The following MBTPS1 variants were observed in gnomAD, a reference collection of about 807,000 sequenced individuals.
MBTPS1 encodes membrane-bound transcription factor site-1 protease.
A neutral mutation model predicts 127.8 loss-of-function variants in MBTPS1; 94 were observed. That is an observed-to-expected ratio of 0.74 (90% CI 0.62 to 0.87). The LOEUF is 0.87. MBTPS1 is among the 40% of genes least tolerant of loss of function. The pLI, the probability that MBTPS1 is intolerant of heterozygous loss-of-function variation, is 0.00. For synonymous variants in MBTPS1, 632 were observed against 509.4 expected, an observed-to-expected ratio of 1.24 and a Z score of -3.24; for missense variants, 1,636 against 1,353.2, an observed-to-expected ratio of 1.21 and a Z score of -3.28.
In MBTPS1 at chr16:84,067,783, AG is replaced by A; in HGVS notation, c.2111del (p.Pro704LeufsTer29). On this transcript the variant is annotated frameshift_variant, in exon 16 of 23. Coordinates refer to ENST00000343411, the MANE Select transcript of MBTPS1 (RefSeq NM_003791.4). LOFTEE classifies it high-confidence loss of function. Reference sequence around the variant, plus strand: ...CCCTCCGGAGCTTGGCGATCTCTTCAGGGAAGTACTCCTCCTCACTGTCCAC... The same window carrying A: ...CCCTCCGGAGCTTGGCGATCTCTTCAGGAAGTACTCCTCCTCACTGTCCAC... ...LMVDSEEEYF[P>X]EEIAKLRRDV... 6.2e-7 allele frequency: 1 copy of A among 1,613,946 alleles called. No individual in the cohort carries two copies. The highest frequency in any genetic ancestry group is 8.5e-7 in the Non-Finnish European group (1 of 1,179,808).
chr16:84,080,022 G>C (rs1041707416), intron 11 of MBTPS1, among the ~76,000 whole-genome samples: 1 of 152,258 alleles, frequency 6.6e-6, no homozygotes, highest in Non-Finnish European at 1.5e-5. Context: ...GCACAGAGGT[G>C]CATGACAGGA....
intron 1 of MBTPS1, among the ~76,000 whole-genome samples, chr16:84,106,122 C>T (rs2086320324): frequency 6.6e-6 from 1 of 151,998 alleles, no homozygotes; most frequent in Admixed American, 6.6e-5. Context: ...TGGTGAAACC[C>T]CACCTCTACT....
rs149109382 is a variant in MBTPS1, at chr16:84,068,750, C to T, written c.1956-296G>A. On this transcript the variant is annotated intron_variant, in intron 14 of 22. Transcript: ENST00000343411. The stretch of plus-strand genomic sequence containing the variant: ...TGTCCTGGACCATCACTGTAGCAGT[C>T]GCGTTCAAGTAAATTGCTGGCAACC... Among the ~76,000 whole-genome samples the T allele has an allele frequency of 1.2e-4, 18 of 152,344 alleles. No individual in the cohort carries two copies. The Middle Eastern group carries it at 0.014, about 115-fold the overall frequency.
At chr16:84,084,684 A>G (rs2085993229) in intron 10 of MBTPS1, among the ~76,000 whole-genome samples, 1 of 152,252 alleles carries the variant, frequency 6.6e-6, no homozygotes, top group African/African-American at 2.4e-5. Context: ...TCACAGTTCT[A>G]GCACATAAAT....
At chr16:84,086,752 G>A (rs1397386310) in intron 9 of MBTPS1, among the ~76,000 whole-genome samples, 5 of 152,152 alleles carry the variant, frequency 3.3e-5, no homozygotes, top group African/African-American at 4.8e-5. Flanking sequence ...CGGCCACAGC[G>A]AGGGCAAAGG....
In MBTPS1 at chr16:84,054,875, T is replaced by G. The variant is rs143504489; in HGVS notation, c.2963-230A>C. Among the ~76,000 whole-genome samples the G allele has an allele frequency of 7.3e-3, 1,059 of 145,274 alleles. 14 individuals carry two copies. The highest frequency in any genetic ancestry group is 0.026 in the African/African-American group (1,019 of 39,316). ...CTGTGGGGTGGAGGCTCGGTGGATC[T>G]CTGCTGCCCTTCCTCCCTGGGATCC... is the stretch of plus-strand genomic sequence containing the variant. On this transcript the variant is annotated intron_variant, in intron 22 of 22. Coordinates refer to ENST00000343411, the MANE Select transcript of MBTPS1 (RefSeq NM_003791.4).
intron 11 of MBTPS1, among the ~76,000 whole-genome samples, chr16:84,078,301 T>G (rs577440340): frequency 1.3e-5 from 2 of 149,656 alleles, no homozygotes; most frequent in African/African-American, 4.9e-5. Flanking sequence ...AGTGCCACCT[T>G]ACCTAACAGA....
intron 3 of MBTPS1, among the ~76,000 whole-genome samples, chr16:84,098,034 GA>G (rs201557522): frequency 1.1e-4 from 16 of 151,280 alleles, no homozygotes; most frequent in Non-Finnish European, 1.8e-4. Context: ...GATAAACAGG[GA>G]AAAAAAACCC....
intron 20 of MBTPS1, chr16:84,060,282 G>A (rs2085589654): frequency 6.2e-6 from 1 of 160,590 alleles, no homozygotes; most frequent in Non-Finnish European, 1.4e-5. Flanking sequence ...GGATTACTGA[G>A]AGGGGACAGT....
At chr16:84,078,587 A>G (rs1466939402) in intron 11 of MBTPS1, among the ~76,000 whole-genome samples, 1 of 152,232 alleles carries the variant, frequency 6.6e-6, no homozygotes, top group Non-Finnish European at 1.5e-5. Flanking sequence ...CAACAAAACT[A>G]AGACACACAG....
chr16:84,072,997 T>C (rs1471769964), intron 12 of MBTPS1, among the ~76,000 whole-genome samples: 1 of 152,168 alleles, frequency 6.6e-6, no homozygotes, highest in South Asian at 2.1e-4. Flanking sequence ...AAGAAAACCA[T>C]ATATGCAATA....
chr16:84,067,633 G>T (rs199777540), intron 16 of MBTPS1, 34 bp downstream of exon 16: 1 of 746,038 alleles, frequency 1.3e-6, no homozygotes, highest in Non-Finnish European at 2.1e-6. Context: ...TTCCCCAAAA[G>T]TCTTATCCAA....
At chr16:84,063,239 TC>T (rs1304887521) in intron 19 of MBTPS1, 65 bp downstream of exon 19, 1 of 1,562,866 alleles carries the variant, frequency 6.4e-7, no homozygotes, top group Non-Finnish European at 8.7e-7. Flanking sequence ...CGGGCGCCTT[TC>T]CAGAGACAAA....
intron 10 of MBTPS1, among the ~76,000 whole-genome samples, chr16:84,083,705 T>C (rs1284632136): frequency 6.6e-6 from 1 of 152,222 alleles, no homozygotes; most frequent in Non-Finnish European, 1.5e-5. Context: ...TAATACTATT[T>C]GCCTATATTA....
intron 4 of MBTPS1, among the ~76,000 whole-genome samples, chr16:84,095,216 A>G (rs2086162587): frequency 6.6e-6 from 1 of 152,252 alleles, no homozygotes; most frequent in Non-Finnish European, 1.5e-5. Flanking sequence ...TCTTTCCCCA[A>G]GAAGTGACAG....
At chr16:84,074,932 G>A (rs1271449572) in intron 11 of MBTPS1, 191 bp from the exon 12 acceptor site, 3 of 488,802 alleles carry the variant, frequency 6.1e-6, no homozygotes, top group African/African-American at 2.0e-5. Context: ...GTGCCAGCCT[G>A]CTGTCTATAC....
rs754910212 is a variant in MBTPS1 at position 84,063,436 on chromosome 16, AC to A, written c.2440del (p.Val814PhefsTer2). 1.9e-6 allele frequency: 3 copies of A among 1,612,914 alleles called. No individual in the cohort carries two copies. The highest frequency in any genetic ancestry group is 2.5e-6 in the Non-Finnish European group (3 of 1,179,502). On this transcript the variant is annotated frameshift_variant, in exon 19 of 23. Coordinates refer to ENST00000343411, the MANE Select transcript of MBTPS1 (RefSeq NM_003791.4). LOFTEE classifies it high-confidence loss of function. ...AACAACTGCTGTTTCCTGCTTTAAA[AC>A]CTCCAATCCTGAAACAACACAACAA... Reference protein sequence around the residue: ...TQTFKDQGLEVLKQETAVVEN... With the variant: ...TQTFKDQGLEXLKQETAVVEN...
chr16:84,093,416 C>G (rs918946424), intron 5 of MBTPS1, 119 bp from the exon 6 acceptor site: 27 of 724,094 alleles, frequency 3.7e-5, no homozygotes, highest in Non-Finnish European at 6.5e-5. Context: ...AGAGGAGGGC[C>G]TCTGCTGCTG....
chr16:84,060,541 C>G (rs2085594032), intron 20 of MBTPS1, 141 bp downstream of exon 20: 5 of 916,798 alleles, frequency 5.5e-6, no homozygotes, highest in Non-Finnish European at 8.1e-6. Context: ...GAGTGCTGCT[C>G]TACCCGCAGC....
Sources: gnomAD v4.1 joint callset for allele counts (sites outside exome capture counted in the v4.1 genomes callset) on GRCh38, gnomAD v4.1.1 for gene constraint, MANE v1.5 for transcripts, NCBI Gene and HGNC (gene_info 2026-07-23, HGNC 2026-07-21) for gene names.